EPHA6: variants seen among roughly 807,000 people sequenced by gnomAD.
EPHA6 encodes ephrin type-A receptor 6.
A neutral mutation model predicts 112.0 loss-of-function variants in EPHA6; 50 were observed. The observed-to-expected ratio is 0.45, with a 90% CI of 0.36 to 0.56. The LOEUF is 0.56. EPHA6 is among the 20% of genes least tolerant of loss of function. The probability of loss-of-function intolerance (pLI) is 0.00; values close to 1 mark genes in which losing one functional copy is unlikely to be tolerated. For synonymous variants in EPHA6, 529 were observed against 490.7 expected, an observed-to-expected ratio of 1.08 and a Z score of -1.03; for missense variants, 1,280 against 1,417.4, an observed-to-expected ratio of 0.90 and a Z score of 1.56.
At chr3:97,561,451 C>T (rs1276853906) in intron 11 of EPHA6, among the ~76,000 whole-genome samples, 1 of 152,040 alleles carries the variant, frequency 6.6e-6, no homozygotes, top group African/African-American at 2.4e-5. Flanking sequence ...ATAGATCAAA[C>T]CACAACATTC....
chr3:97,218,535 T>A (rs1030439518), intron 3 of EPHA6, among the ~76,000 whole-genome samples: 5 of 152,042 alleles, frequency 3.3e-5, no homozygotes, highest in Non-Finnish European at 7.4e-5. Context: ...CTATCAGATC[T>A]TGTAAGAAGT....
intron 3 of EPHA6, among the ~76,000 whole-genome samples, chr3:97,213,441 G>A (rs995020362): frequency 6.6e-6 from 1 of 152,106 alleles, no homozygotes; most frequent in Admixed American, 6.6e-5. Context: ...TGAGGACTGG[G>A]CAAGAGTTAA....
chr3:97,638,374 A>C (rs1025990986), intron 14 of EPHA6, among the ~76,000 whole-genome samples: 3 of 152,104 alleles, frequency 2.0e-5, no homozygotes, highest in Non-Finnish European at 4.4e-5. Context: ...ACATGGGCTG[A>C]AGTATCTTTG....
At chr3:97,624,843 T>A (rs1408902210) in intron 13 of EPHA6, among the ~76,000 whole-genome samples, 2 of 151,596 alleles carry the variant, frequency 1.3e-5, no homozygotes, top group Admixed American at 6.6e-5. Context: ...TCACATACAA[T>A]CATTTATAGT....
At chr3:97,189,935 A>T (rs2077255855) in intron 3 of EPHA6, among the ~76,000 whole-genome samples, 1 of 149,662 alleles carries the variant, frequency 6.7e-6, no homozygotes, top group South Asian at 2.1e-4. Context: ...ACAGAATCCC[A>T]TGTAGATCTC....
intron 6 of EPHA6, among the ~76,000 whole-genome samples, chr3:97,410,514 C>T (rs1298295494): frequency 1.3e-5 from 2 of 152,056 alleles, no homozygotes; most frequent in Admixed American, 6.6e-5. Flanking sequence ...TCTTTGTTCT[C>T]TGCCTGTCCC....
At position 97,084,067 on chromosome 3, in the gene EPHA6, A is replaced by AGTGTGTGTGTGT. The variant is rs145113129; in HGVS notation, c.1114+96092_1114+96103dup. Among the ~76,000 whole-genome samples the AGTGTGTGTGTGT allele has an allele frequency of 8.0e-3, 873 of 109,726 alleles. 11 individuals carry two copies. The highest frequency in any genetic ancestry group is 0.028 in the African/African-American group (823 of 29,328). The allele number at this position is 109,726 out of a possible 152,430, so 72.0% of individuals were successfully genotyped here. ...TAGGGGTGGTACATTTATTTCTTAA[A>AGTGTGTGTGTGT]GTGTGTGTGTGTGTGTGTGTGTGTG... On this transcript the variant is annotated intron_variant, in intron 3 of 17. Coordinates refer to ENST00000389672, the MANE Select transcript of EPHA6 (RefSeq NM_001080448.3).
chr3:96,965,742 A>ATTAT (rs1485719168), intron 2 of EPHA6, among the ~76,000 whole-genome samples: 1 of 152,102 alleles, frequency 6.6e-6, no homozygotes, highest in Non-Finnish European at 1.5e-5. Flanking sequence ...CTCGTTCAGC[A>ATTAT]ACATTTGTTT....
intron 2 of EPHA6, among the ~76,000 whole-genome samples, chr3:96,904,464 G>A (rs2038810938): frequency 8.7e-6 from 1 of 115,320 alleles, no homozygotes; most frequent in Admixed American, 1.1e-4. Context: ...TTGTGGGGTG[G>A]GGGGAGGGGG....
At chr3:97,537,255 A>AT (rs977418776) in intron 11 of EPHA6, among the ~76,000 whole-genome samples, 3 of 151,926 alleles carry the variant, frequency 2.0e-5, no homozygotes, top group Admixed American at 6.6e-5. Flanking sequence ...TATACATTAG[A>AT]TTTTTTTTAC....
chr3:96,839,033 T>C (rs2034578429), intron 1 of EPHA6, among the ~76,000 whole-genome samples: 1 of 152,294 alleles, frequency 6.6e-6, no homozygotes, highest in East Asian at 1.9e-4. Context: ...TGTATCTTTA[T>C]GGCTTCCATT....
chr3:97,274,093 GA>G (rs771422411), intron 5 of EPHA6, among the ~76,000 whole-genome samples: 29 of 152,304 alleles, frequency 1.9e-4, no homozygotes, highest in Non-Finnish European at 3.1e-4. Flanking sequence ...GAGGTTCTAA[GA>G]GGCAGGCTAG....
chr3:97,540,742 A>T (rs1303618684), intron 11 of EPHA6, among the ~76,000 whole-genome samples: 1 of 152,204 alleles, frequency 6.6e-6, no homozygotes, highest in African/African-American at 2.4e-5. Flanking sequence ...AAGAGAATAT[A>T]AATGCACTTT....
intron 2 of EPHA6, among the ~76,000 whole-genome samples, chr3:96,877,999 CCT>C: frequency 6.7e-6 from 1 of 150,364 alleles, no homozygotes; most frequent in South Asian, 2.1e-4. Context: ...TGAAATTTGT[CCT>C]CTTAATTTAG....
At chr3:96,867,354 C>A (rs1185172458) in intron 2 of EPHA6, among the ~76,000 whole-genome samples, 1 of 151,496 alleles carries the variant, frequency 6.6e-6, no homozygotes, top group Non-Finnish European at 1.5e-5. Flanking sequence ...TGAAAATATA[C>A]AAGGTGATTA....
At chr3:97,492,706 CAAAT>C (rs1376834193) in intron 10 of EPHA6, among the ~76,000 whole-genome samples, 1 of 149,276 alleles carries the variant, frequency 6.7e-6, no homozygotes, top group East Asian at 2.0e-4. Flanking sequence ...AGAAAACATG[CAAAT>C]AAATTGTTGT....
chr3:96,829,463 G>A (rs548750865), intron 1 of EPHA6, among the ~76,000 whole-genome samples: 1 of 152,098 alleles, frequency 6.6e-6, no homozygotes, highest in Admixed American at 6.6e-5. Flanking sequence ...ACTACAGGAT[G>A]CTCCTTTTCC....
intron 3 of EPHA6, among the ~76,000 whole-genome samples, chr3:97,050,182 C>T (rs989517291): frequency 1.3e-5 from 2 of 152,210 alleles, no homozygotes; most frequent in Non-Finnish European, 2.9e-5. Flanking sequence ...AGGATCACAG[C>T]GTCTCTGAAA....
chr3:96,943,747 A>C (rs2041102843), intron 2 of EPHA6, among the ~76,000 whole-genome samples: 1 of 152,182 alleles, frequency 6.6e-6, no homozygotes, highest in African/African-American at 2.4e-5. Context: ...AGTCCCAGCT[A>C]CTCAGTAGGC....
Sources: allele counts gnomAD v4.1 joint callset (sites outside exome capture counted in the v4.1 genomes callset), GRCh38; gene constraint gnomAD v4.1.1; transcripts MANE v1.5; gene names NCBI Gene and HGNC (gene_info 2026-07-23, HGNC 2026-07-21).